Variants in TMPRSS3 observed in about 807,000 individuals in gnomAD.
The protein encoded by TMPRSS3 is transmembrane protease serine 3.
Under a neutral mutation model 59.6 loss-of-function variants are expected in TMPRSS3, and 55 were observed. The observed-to-expected ratio is 0.92, with a 90% CI of 0.74 to 1.16. The LOEUF (loss-of-function observed/expected upper bound fraction) is 1.16, where lower values mean the gene tolerates loss of function less well. TMPRSS3 is among the 50% of genes most tolerant of loss of function. The probability of loss-of-function intolerance (pLI) is 0.00; values close to 1 mark genes in which losing one functional copy is unlikely to be tolerated. For missense variants in TMPRSS3, 596 were observed against 579.4 expected, an observed-to-expected ratio of 1.03 and a Z score of -0.29; for synonymous variants, 257 against 237.7, an observed-to-expected ratio of 1.08 and a Z score of -0.75.
intron 8 of TMPRSS3, 94 bp downstream of exon 8, chr21:42,382,920 AGGTTAGTCTCTCTGTCTTC>A (rs2052557723): frequency 1.6e-6 from 2 of 1,271,300 alleles, no homozygotes; most frequent in African/African-American, 2.9e-5. Flanking sequence ...CATTACTTGG[AGGTTAGTCTCTCTGTCTTC>A]CCTCTGGACC....
chr21:42,389,652 G>A (rs2052701064), intron 3 of TMPRSS3, among the ~76,000 whole-genome samples: 1 of 152,236 alleles, frequency 6.6e-6, no homozygotes, highest in South Asian at 2.1e-4. Context: ...CCCACCTGCA[G>A]GATTCTATTT....
chr21:42,382,217 G>T lies in TMPRSS3; in HGVS notation c.800C>A (p.Ser267Ter). The T allele has an allele frequency of 6.2e-7, 1 of 1,614,160 alleles. No homozygotes were observed. Among genetic ancestry groups the T allele is most frequent in the East Asian group, 2.2e-5 (1 of 44,892 alleles). The change falls in exon 9 of 13, where the codon TCA becomes TAA. Residue 267 changes from serine to a stop codon, truncating the protein, a stop_gained. Transcript: ENST00000644384. LOFTEE classifies it high-confidence loss of function. ...HCVYDLYLPK[S>*]WTIQVGLVSL... ...AACTAGACCCACCTGGATGGTCCAT[G>T]ACTTGGGGAGGTACAAGCTGAAATG...
At position 42,388,861 on chromosome 21, in the gene TMPRSS3, A is replaced by G; in HGVS notation, c.322+68T>C. ...GCAATGACTTGGACCCATTTTACAG[A>G]TGGGAAGGGTCAGGGTTGGCTTCTG... On this transcript the variant is annotated intron_variant, in intron 4 of 12. Coordinates refer to ENST00000644384, the MANE Select transcript of TMPRSS3 (RefSeq NM_001256317.3). This position sits in a 1 kb window ranked among gnomAD's most constrained non-coding sequence, Gnocchi z 5.1. The G allele has an allele frequency of 7.3e-7, 1 of 1,363,560 alleles. No homozygotes were observed. Among genetic ancestry groups the G allele is most frequent in the South Asian group, 1.2e-5 (1 of 86,180 alleles). 84.5% of individuals were successfully genotyped at this position (1,363,560 alleles called of 1,614,324 possible). A position where few individuals can be genotyped will look rare whatever the true frequency, so the allele number is the denominator to read the frequency against.
chr21:42,372,470 G>C lies in TMPRSS3; in HGVS notation c.*292C>G. ...AGCTACTGGGGAAGCTGAGGCAAGA[G>C]AATCGCTTGAACCAGGGAAGCGGAG... On this transcript the variant is annotated 3_prime_UTR_variant, in exon 13 of 13. Coordinates refer to ENST00000644384, the MANE Select transcript of TMPRSS3 (RefSeq NM_001256317.3). 1 of 576,942 alleles carries C rather than the reference G, an allele frequency of 1.7e-6. No homozygotes were observed. Among genetic ancestry groups the C allele is most frequent in the Non-Finnish European group, 3.3e-6 (1 of 307,482 alleles). 35.7% of individuals were successfully genotyped at this position (576,942 alleles called of 1,614,324 possible). A position where few individuals can be genotyped will look rare whatever the true frequency, so the allele number is the denominator to read the frequency against.
intron 5 of TMPRSS3, 147 bp from the exon 6 acceptor site, chr21:42,385,681 G>T (rs1035938425): frequency 9.3e-7 from 1 of 1,076,730 alleles, no homozygotes; most frequent in South Asian, 1.3e-5. Flanking sequence ...CCTTTGCCAA[G>T]AGAATGAAGT....
At chr21:42,384,366 TAGGGACACAAGAGTGCCCA>T (rs1442811788) in intron 6 of TMPRSS3, among the ~76,000 whole-genome samples, 1 of 152,160 alleles carries the variant, frequency 6.6e-6, no homozygotes, top group Non-Finnish European at 1.5e-5. Context: ...TCCTGGCCCC[TAGGGACACAAGAGTGCCCA>T]AGGGACAGCG....
At chr21:42,387,776 G>A (rs138901127) in intron 5 of TMPRSS3, among the ~76,000 whole-genome samples, 41 of 152,280 alleles carry the variant, frequency 2.7e-4, no homozygotes, top group South Asian at 2.3e-3. Context: ...TACAGCGGCC[G>A]CAGGAAGTCA....
At chr21:42,381,265 G>T (rs1044800012) in intron 9 of TMPRSS3, among the ~76,000 whole-genome samples, 2 of 152,222 alleles carry the variant, frequency 1.3e-5, no homozygotes, top group African/African-American at 4.8e-5. Flanking sequence ...AATGTCCAGA[G>T]GGCAGGGCTT....
In TMPRSS3 at chr21:42,383,179, GC is replaced by G. The variant is rs1368680522; in HGVS notation, c.635del (p.Gly212AlafsTer63). The G allele has an allele frequency of 6.2e-7, 1 of 1,613,678 alleles. No homozygotes were observed. Among genetic ancestry groups the G allele is most frequent in the Non-Finnish European group, 8.5e-7 (1 of 1,179,992 alleles). On this transcript the variant is annotated frameshift_variant, in exon 8 of 13. Transcript: ENST00000644384. LOFTEE classifies it high-confidence loss of function. ...LQCTACGHRR[G>X]YSSRIVGGNM... ...TTCCACCCACGATGCGTGAGCTGTAGCCCCTTCTATGACCACAGGCTATGGA... is the reference window on the plus strand; with the variant it reads ...TTCCACCCACGATGCGTGAGCTGTAGCCCTTCTATGACCACAGGCTATGGA...
At position 42,389,959 on chromosome 21, in the gene TMPRSS3, G is replaced by A; in HGVS notation, c.173C>T (p.Ala58Val). The change falls in exon 3 of 13, where the codon GCA (alanine) becomes GTA (valine). Residue 58 changes from alanine (A) to valine (V), a missense_variant. By Grantham distance (64) the Ala-to-Val change is moderately conservative. Coordinates refer to ENST00000644384, the MANE Select transcript of TMPRSS3 (RefSeq NM_001256317.3). The stretch of plus-strand genomic sequence containing the variant: ...ACCAATGGCCAGTGCTAATATCAAT[G>A]CAATGATCCCAATGACGATGATTGG... The part of the protein sequence containing the change: ...FFPIIVIGII[A>V]LILALAIGLG... The A allele has an allele frequency of 6.2e-7, 1 of 1,613,930 alleles. No homozygotes were observed. The highest frequency in any genetic ancestry group is 1.1e-5 in the South Asian group (1 of 91,078).
intron 8 of TMPRSS3, 152 bp from the exon 9 acceptor site, chr21:42,382,386 A>T: frequency 9.8e-6 from 7 of 717,892 alleles, no homozygotes; most frequent in Non-Finnish European, 1.2e-5. Flanking sequence ...TGTATATGCA[A>T]CTGCACTGCC....
intron 10 of TMPRSS3, among the ~76,000 whole-genome samples, chr21:42,378,567 T>C (rs1038714497): frequency 6.6e-6 from 1 of 152,156 alleles, no homozygotes; most frequent in Admixed American, 6.5e-5. Context: ...GGAAGGAGGC[T>C]GAGGCTGGAG....
At chr21:42,377,636 A>C (rs1026119852) in intron 10 of TMPRSS3, among the ~76,000 whole-genome samples, 1 of 152,084 alleles carries the variant, frequency 6.6e-6, no homozygotes, top group Non-Finnish European at 1.5e-5. Context: ...CGAGGGATGG[A>C]CCCCTCCAAC....
chr21:42,388,682 G>C lies in TMPRSS3; in HGVS notation c.323-156C>G, dbSNP rs1458831462. Among the ~76,000 whole-genome samples the C allele has an allele frequency of 6.6e-6, 1 of 152,090 alleles. No homozygotes were observed. Among genetic ancestry groups the C allele is most frequent in the East Asian group, 1.9e-4 (1 of 5,184 alleles). The stretch of plus-strand genomic sequence containing the variant: ...TCCCCATCACAGAGCAGTGACTCTG[G>C]ATCCCTGAGACTTCTCGCTGGTCTC... On this transcript the variant is annotated intron_variant, in intron 4 of 12. Transcript: ENST00000644384. This position sits in a 1 kb window ranked among gnomAD's most constrained non-coding sequence, Gnocchi z 5.1.
chr21:42,372,281 T>C lies in TMPRSS3; in HGVS notation c.*481A>G, dbSNP rs1288646030. The C allele has an allele frequency of 2.2e-6, 1 of 452,768 alleles. No homozygotes were observed. Among genetic ancestry groups the C allele is most frequent in the Admixed American group, 2.4e-5 (1 of 42,448 alleles). The allele number at this position is 452,768 out of a possible 1,614,324, so 28.0% of individuals were successfully genotyped here. On this transcript the variant is annotated 3_prime_UTR_variant, in exon 13 of 13. Coordinates refer to ENST00000644384, the MANE Select transcript of TMPRSS3 (RefSeq NM_001256317.3). ...TGAAGATCAGAAAGGAGCGTGAGGCTAGGCGTGGTGGCCCATGCCTGTAAT... is the reference window on the plus strand; with the variant it reads ...TGAAGATCAGAAAGGAGCGTGAGGCCAGGCGTGGTGGCCCATGCCTGTAAT...
chr21:42,389,992 T>C lies in TMPRSS3; in HGVS notation c.140A>G (p.Lys47Arg), dbSNP rs1296531045. ...CCCAATGACGATGATTGGAAAAAAC[T>C]TCAATGGCAGCAGTGACAGGATCTG... The part of the protein sequence containing the change: ...AAQILSLLPL[K>R]FFPIIVIGII... Residue 47 changes from lysine (K) to arginine (R), a missense_variant, in exon 3 of 13, where the codon AAG (lysine) becomes AGG (arginine). By Grantham distance (26) the Lys-to-Arg change is conservative (BLOSUM62 2). Coordinates refer to ENST00000644384, the MANE Select transcript of TMPRSS3 (RefSeq NM_001256317.3). 8.1e-6 allele frequency: 13 copies of C among 1,614,036 alleles called. No homozygotes were observed. The highest frequency in any genetic ancestry group is 5.0e-5 in the Admixed American group (3 of 60,010).
chr21:42,384,129 A>T (rs1338474349), intron 6 of TMPRSS3, 116 bp from the exon 7 acceptor site: 3 of 972,824 alleles, frequency 3.1e-6, no homozygotes, highest in Non-Finnish European at 4.7e-6. Flanking sequence ...CCCTCTTTGA[A>T]TATAGATTAC....
At chr21:42,380,063 A>C in intron 10 of TMPRSS3, 54 bp downstream of exon 10, 2 of 1,472,078 alleles carry the variant, frequency 1.4e-6, no homozygotes, top group South Asian at 2.3e-5. Context: ...CCCCCTCCGC[A>C]GCCCTCTGGG....
In TMPRSS3 at chr21:42,374,694, G is replaced by T. The variant is rs1257338556; in HGVS notation, c.1344+1022C>A. Among the ~76,000 whole-genome samples, 19 of 152,142 alleles carry T rather than the reference G, an allele frequency of 1.2e-4. 1 individual carries two copies. Among genetic ancestry groups the T allele is most frequent in the African/African-American group, 3.6e-4 (15 of 41,484 alleles). ...TGCACAGCCCTGTGAATGTGCTGATGCTACAGGGTTGTTCACTTTAAAATG... is the reference window on the plus strand; with the variant it reads ...TGCACAGCCCTGTGAATGTGCTGATTCTACAGGGTTGTTCACTTTAAAATG... On this transcript the variant is annotated intron_variant, in intron 12 of 12. Transcript: ENST00000644384.
Sources: allele counts gnomAD v4.1 joint callset (sites outside exome capture counted in the v4.1 genomes callset), GRCh38; gene constraint gnomAD v4.1.1; non-coding constraint Gnocchi (gnomAD v3.1); transcripts MANE v1.5; gene names NCBI Gene and HGNC (gene_info 2026-07-23, HGNC 2026-07-21).